The following SPON1 variants were observed in gnomAD, a reference collection of about 807,000 sequenced individuals.
SPON1 encodes the protein spondin-1.
Under a neutral mutation model 111.7 loss-of-function variants are expected in SPON1, and 52 were observed. The ratio of observed to expected loss-of-function variants is 0.47; its 90% CI spans 0.37 to 0.59. SPON1 has a LOEUF of 0.59. Ranked by LOEUF, SPON1 falls within the 20% of genes least tolerant of loss-of-function variation. The probability of loss-of-function intolerance (pLI) is 0.00; values close to 1 mark genes in which losing one functional copy is unlikely to be tolerated. For missense variants in SPON1, 957 were observed against 1,068.5 expected (o/e 0.90, Z 1.46); for synonymous variants, 410 against 395.8 (o/e 1.04, Z -0.43).
At chr11:13,983,098 G>C (rs797039337) in intron 2 of SPON1, 145 bp downstream of exon 2, 7 of 621,132 alleles carry the variant, frequency 1.1e-5, no homozygotes, top group African/African-American at 1.1e-4. Flanking sequence ...GGTCATCATG[G>C]AGCAAGCAGC....
rs142395223 is a variant in SPON1, at chr11:14,066,100, C to T, written c.480-9245C>T. 1.2e-4 allele frequency among the ~76,000 whole-genome samples: 18 copies of T among 152,228 alleles called. No individual in the cohort carries two copies. In the East Asian group the frequency reaches 3.1e-3, roughly 26 times the overall value. ...CAGTTGTCCCTTGACTAGTAATACCCCAGGTACCACTAATCAATTGCAAAA... is the reference window on the plus strand; with the variant it reads ...CAGTTGTCCCTTGACTAGTAATACCTCAGGTACCACTAATCAATTGCAAAA... On this transcript the variant is annotated intron_variant, in intron 3 of 15. Transcript: ENST00000576479.
chr11:14,256,700 G>T lies in SPON1; in HGVS notation c.1309+8G>T. The T allele has an allele frequency of 6.2e-7, 1 of 1,609,978 alleles. No individual in the cohort carries two copies. The highest frequency in any genetic ancestry group is 8.5e-7 in the Non-Finnish European group (1 of 1,177,476). ...CAGAAGAGAAAGATGAAGGTACGTT[G>T]TTTTCTTTTGTTGCAGGTGGCAACA... On this transcript the variant is annotated splice_region_variant and intron_variant, in intron 10 of 15. Transcript: ENST00000576479.
chr11:14,204,020 T>G (rs1245950594), intron 6 of SPON1, among the ~76,000 whole-genome samples: 1 of 152,208 alleles, frequency 6.6e-6, no homozygotes, highest in Non-Finnish European at 1.5e-5. Context: ...TTGCTATTAC[T>G]ACCAAGGGCC....
At chr11:14,206,571 A>G (rs1848519408) in intron 6 of SPON1, among the ~76,000 whole-genome samples, 1 of 152,186 alleles carries the variant, frequency 6.6e-6, no homozygotes, top group African/African-American at 2.4e-5. Context: ...TGTGTTGAAA[A>G]TCTTCATACA....
chr11:14,166,265 A>G (rs1261661524), intron 6 of SPON1, among the ~76,000 whole-genome samples: 1 of 152,220 alleles, frequency 6.6e-6, no homozygotes, highest in Non-Finnish European at 1.5e-5. Context: ...AATTAACTAT[A>G]CTATAATGCC....
chr11:13,970,930 T>C (rs1554908538), intron 1 of SPON1, among the ~76,000 whole-genome samples: 1 of 152,234 alleles, frequency 6.6e-6, no homozygotes, highest in Non-Finnish European at 1.5e-5. Flanking sequence ...TCTTTCTTAT[T>C]TGCCATTTTA....
chr11:13,992,298 G>C (rs982040319), intron 2 of SPON1, among the ~76,000 whole-genome samples: 2 of 152,194 alleles, frequency 1.3e-5, no homozygotes, highest in Non-Finnish European at 2.9e-5. Context: ...CAGCAGCCTT[G>C]CTCAGCTGCA....
intron 1 of SPON1, among the ~76,000 whole-genome samples, chr11:13,971,908 A>G (rs1848065936): frequency 6.6e-6 from 1 of 152,214 alleles, no homozygotes; most frequent in South Asian, 2.1e-4. Flanking sequence ...AGCTTGAGCC[A>G]GGGCTGACTT....
intron 1 of SPON1, among the ~76,000 whole-genome samples, chr11:13,978,538 A>G (rs537003039): frequency 3.3e-5 from 5 of 152,248 alleles, no homozygotes; most frequent in Non-Finnish European, 7.3e-5. Flanking sequence ...TAATGAGTTC[A>G]TATTTACTAA....
intron 1 of SPON1, 35 bp downstream of exon 1, chr11:13,963,177 G>A: frequency 5.7e-6 from 8 of 1,415,136 alleles, no homozygotes; most frequent in Non-Finnish European, 7.5e-6. Flanking sequence ...TAGGAGAGCG[G>A]GACCCGGTCC....
intron 6 of SPON1, among the ~76,000 whole-genome samples, chr11:14,160,936 T>C (rs1195274787): frequency 8.2e-5 from 1 of 12,214 alleles, no homozygotes; most frequent in South Asian, 3.3e-3. Context: ...TATATATTTA[T>C]ATATATATTT....
intron 6 of SPON1, among the ~76,000 whole-genome samples, chr11:14,165,395 G>C (rs1848017113): frequency 6.6e-6 from 1 of 152,146 alleles, no homozygotes; most frequent in Non-Finnish European, 1.5e-5. Context: ...AGTGGGAATG[G>C]GAGTGACCCC....
intron 2 of SPON1, among the ~76,000 whole-genome samples, chr11:14,000,120 A>G (rs543789685): frequency 2.0e-4 from 30 of 152,262 alleles, no homozygotes; most frequent in African/African-American, 6.0e-4. Flanking sequence ...TTTATCCGCC[A>G]TGGTTGATCA....
chr11:14,247,181 G>A lies in SPON1; in HGVS notation c.890+3785G>A, dbSNP rs191661431. 4.3e-3 allele frequency among the ~76,000 whole-genome samples: 660 copies of A among 152,304 alleles called. 4 individuals are homozygous for A. The highest frequency in any genetic ancestry group is 7.4e-3 in the Non-Finnish European group (501 of 68,030). Reference sequence around the variant, plus strand: ...TTAACATTTTGGGAGGTGGAAGCAGGAGGCTCACTCGAGCCCAGGAGTTTG... The same window carrying A: ...TTAACATTTTGGGAGGTGGAAGCAGAAGGCTCACTCGAGCCCAGGAGTTTG... On this transcript the variant is annotated intron_variant, in intron 7 of 15. Coordinates refer to ENST00000576479, the MANE Select transcript of SPON1 (RefSeq NM_006108.4).
chr11:14,140,869 A>G (rs1847645937), intron 6 of SPON1, among the ~76,000 whole-genome samples: 1 of 152,150 alleles, frequency 6.6e-6, no homozygotes, highest in South Asian at 2.1e-4. Flanking sequence ...CCCTGCACTA[A>G]CACATGAGAG....
chr11:14,036,762 G>T (rs1554916675), intron 2 of SPON1, among the ~76,000 whole-genome samples: 2 of 152,066 alleles, frequency 1.3e-5, no homozygotes, highest in East Asian at 3.9e-4. Flanking sequence ...AAATTTAAAG[G>T]CCAGTAGTGG....
chr11:14,155,064 T>C (rs1554930234), intron 6 of SPON1, among the ~76,000 whole-genome samples: 1 of 152,200 alleles, frequency 6.6e-6, no homozygotes, highest in African/African-American at 2.4e-5. Context: ...GACCTTAGCC[T>C]GGGCTTCACT....
At chr11:14,188,334 CT>C (rs754749419) in intron 6 of SPON1, among the ~76,000 whole-genome samples, 16 of 152,114 alleles carry the variant, frequency 1.1e-4, no homozygotes, top group Non-Finnish European at 2.4e-4. Flanking sequence ...AAGATAAGTC[CT>C]GGACACAGTC....
At chr11:14,112,260 C>G (rs1403926910) in intron 5 of SPON1, among the ~76,000 whole-genome samples, 8 of 152,176 alleles carry the variant, frequency 5.3e-5, no homozygotes, top group African/African-American at 1.9e-4. Flanking sequence ...CTGCTGAAGA[C>G]CCTTCAGACT....
Sources: gnomAD v4.1 joint callset for allele counts (sites outside exome capture counted in the v4.1 genomes callset) on GRCh38, gnomAD v4.1.1 for gene constraint, MANE v1.5 for transcripts, NCBI Gene and HGNC (gene_info 2026-07-23, HGNC 2026-07-21) for gene names.